Variants in DYM observed in about 807,000 individuals in gnomAD.
DYM encodes the protein dymeclin, also known as dyggve-Melchior-Clausen syndrome protein.
In DYM, 78 loss-of-function variants were observed where a neutral mutation model predicts 93.1. The observed-to-expected ratio is 0.84, with a 90% CI of 0.70 to 1.01. The LOEUF (loss-of-function observed/expected upper bound fraction) is 1.01, where lower values mean the gene tolerates loss of function less well. DYM is among the 50% of genes least tolerant of loss of function. The pLI is 0.00. For synonymous variants in DYM, 321 were observed against 319.7 expected (o/e 1.00, Z -0.04); for missense variants, 789 against 845.0 (o/e 0.93, Z 0.82).
chr18:49,100,725 C>T (rs1308385479), intron 16 of DYM, among the ~76,000 whole-genome samples: 1 of 152,124 alleles, frequency 6.6e-6, no homozygotes, highest in Non-Finnish European at 1.5e-5. Flanking sequence ...TGTACATATA[C>T]TATTTGTTTA....
chr18:49,203,832 C>A (rs2092301327), intron 14 of DYM, among the ~76,000 whole-genome samples: 1 of 102,170 alleles, frequency 9.8e-6, no homozygotes, highest in Non-Finnish European at 1.9e-5. Flanking sequence ...CTGTGAGAAA[C>A]ACCCAAGAAT....
chr18:49,256,309 A>T (rs2094393319), intron 13 of DYM, among the ~76,000 whole-genome samples: 1 of 152,186 alleles, frequency 6.6e-6, no homozygotes, highest in Admixed American at 6.5e-5. Context: ...AAGAGTCCTC[A>T]ACATGGAAGA....
chr18:49,178,774 G>C (rs1270532422), intron 14 of DYM, among the ~76,000 whole-genome samples: 2 of 152,052 alleles, frequency 1.3e-5, no homozygotes, highest in African/African-American at 4.8e-5. Flanking sequence ...GATAATTACA[G>C]AGGTAGAATT....
At chr18:49,409,221 T>A (rs1184122434) in intron 2 of DYM, among the ~76,000 whole-genome samples, 1 of 149,716 alleles carries the variant, frequency 6.7e-6, no homozygotes, top group East Asian at 2.0e-4. Flanking sequence ...GAGGTGGAGG[T>A]TGCAGTGAGC....
chr18:49,392,393 C>A (rs1275233810), intron 2 of DYM, among the ~76,000 whole-genome samples: 1 of 152,108 alleles, frequency 6.6e-6, no homozygotes, highest in Non-Finnish European at 1.5e-5. Flanking sequence ...AGGATACTAT[C>A]TACAGAGTGA....
chr18:49,288,834 A>C (rs1271050345), intron 8 of DYM, among the ~76,000 whole-genome samples: 2 of 152,108 alleles, frequency 1.3e-5, no homozygotes, highest in East Asian at 3.9e-4. Context: ...TCTCTAAGTA[A>C]ATCTAAAATT....
chr18:49,422,986 A>AACG (rs1209169298), intron 2 of DYM, among the ~76,000 whole-genome samples: 3 of 151,590 alleles, frequency 2.0e-5, no homozygotes, highest in Non-Finnish European at 4.4e-5. Context: ...TAGACAGATC[A>AACG]AGACAGAAAG....
At chr18:49,106,844 T>C (rs1042744169) in intron 16 of DYM, among the ~76,000 whole-genome samples, 1 of 152,252 alleles carries the variant, frequency 6.6e-6, no homozygotes, top group African/African-American at 2.4e-5. Flanking sequence ...TAACATTTTT[T>C]CCTTCATTGC....
chr18:49,216,410 A>G (rs1028031149), intron 13 of DYM, among the ~76,000 whole-genome samples: 6 of 152,172 alleles, frequency 3.9e-5, no homozygotes, highest in Non-Finnish European at 8.8e-5. Flanking sequence ...TGGTTCTCCA[A>G]GCACACAGCT....
chr18:49,117,996 CT>C (rs35936099), intron 16 of DYM, among the ~76,000 whole-genome samples: 22,457 of 54,880 alleles, frequency 0.41, 1,388 homozygotes, highest in South Asian at 0.51. Context: ...TGTGCCCAGC[CT>C]TTTTTTTTTT....
intron 16 of DYM, among the ~76,000 whole-genome samples, chr18:49,111,420 TTA>T (rs2081379782): frequency 6.6e-6 from 1 of 152,200 alleles, no homozygotes; most frequent in South Asian, 2.1e-4. Flanking sequence ...TCTTGCCTTT[TTA>T]TGTCTCATAA....
At chr18:49,122,801 G>A (rs1327641852) in intron 15 of DYM, among the ~76,000 whole-genome samples, 1 of 152,064 alleles carries the variant, frequency 6.6e-6, no homozygotes, top group Non-Finnish European at 1.5e-5. Context: ...CTAGGTATTG[G>A]CTTATTTTTA....
intron 17 of DYM, among the ~76,000 whole-genome samples, chr18:49,087,917 C>T (rs1417093337): frequency 2.0e-5 from 3 of 152,184 alleles, no homozygotes; most frequent in Non-Finnish European, 4.4e-5. Flanking sequence ...TAAATGTCTT[C>T]TTTTGAGAAA....
intron 8 of DYM, among the ~76,000 whole-genome samples, chr18:49,299,295 A>C (rs1268097889): frequency 1.3e-5 from 2 of 152,238 alleles, no homozygotes; most frequent in East Asian, 1.9e-4. Context: ...TTGAAAAAGT[A>C]AGTCATTCTA....
intron 17 of DYM, among the ~76,000 whole-genome samples, chr18:49,088,415 G>A (rs530771645): frequency 6.6e-6 from 1 of 152,152 alleles, no homozygotes; most frequent in Admixed American, 6.5e-5. Flanking sequence ...CTGTTGTGGG[G>A]TAGGGGGAGG....
intron 6 of DYM, among the ~76,000 whole-genome samples, chr18:49,347,284 G>T (rs1331649140): frequency 6.6e-6 from 1 of 152,142 alleles, no homozygotes; most frequent in African/African-American, 2.4e-5. Flanking sequence ...AGACAAGGAT[G>T]AGAGGGAGAT....
chr18:49,145,634 C>T (rs2085045046), intron 15 of DYM, among the ~76,000 whole-genome samples: 1 of 152,124 alleles, frequency 6.6e-6, no homozygotes, highest in South Asian at 2.1e-4. Context: ...ATCAACCTGT[C>T]CCGAGGATGC....
At chr18:49,055,392 C>G (rs1384680895) in intron 17 of DYM, among the ~76,000 whole-genome samples, 1 of 152,138 alleles carries the variant, frequency 6.6e-6, no homozygotes, top group East Asian at 1.9e-4. Flanking sequence ...GTGAAGTTGC[C>G]TACGCGTCAA....
chr18:49,347,826 G>C (rs995987896), intron 6 of DYM, among the ~76,000 whole-genome samples: 2 of 152,310 alleles, frequency 1.3e-5, no homozygotes, highest in Non-Finnish European at 1.5e-5. Flanking sequence ...GTGGTTTTTA[G>C]AAGATGAAAA....
Sources: allele counts gnomAD v4.1 joint callset (sites outside exome capture counted in the v4.1 genomes callset), GRCh38; gene constraint gnomAD v4.1.1; transcripts MANE v1.5; gene names NCBI Gene and HGNC (gene_info 2026-07-23, HGNC 2026-07-21).